Variants in RFTN2 observed in about 807,000 individuals in gnomAD.
RFTN2 encodes the protein raftlin family member 2, also known as raftlin-2.
In RFTN2, 34 loss-of-function variants were observed where a neutral mutation model predicts 52.7. The observed-to-expected ratio is 0.64, with a 90% CI of 0.49 to 0.86. The LOEUF (loss-of-function observed/expected upper bound fraction) is 0.86, where lower values mean the gene tolerates loss of function less well. Among genes scored for constraint, RFTN2 ranks in the 40% least tolerant of loss-of-function variants. The pLI is 0.00. For synonymous variants in RFTN2, 203 were observed against 217.7 expected (o/e 0.93, Z 0.59); for missense variants, 536 against 600.1 (o/e 0.89, Z 1.12).
At chr2:197,669,665 G>A (rs1387513806) in intron 1 of RFTN2, among the ~76,000 whole-genome samples, 1 of 152,136 alleles carries the variant, frequency 6.6e-6, no homozygotes, top group Non-Finnish European at 1.5e-5. Context: ...GCTCCTATGA[G>A]AACCTATGAG....
chr2:197,612,728 G>C (rs1382071592), intron 7 of RFTN2, among the ~76,000 whole-genome samples: 1 of 152,238 alleles, frequency 6.6e-6, no homozygotes, highest in African/African-American at 2.4e-5. Context: ...TTAAACCCTA[G>C]TGGTGTGATA....
chr2:197,661,233 ATT>A (rs112056862), intron 1 of RFTN2, among the ~76,000 whole-genome samples: 50 of 144,620 alleles, frequency 3.5e-4, no homozygotes, highest in Admixed American at 4.1e-4. Flanking sequence ...ATTTAATTTA[ATT>A]TTTTTTTTTT....
chr2:197,661,371 C>T (rs1297700899), intron 1 of RFTN2, among the ~76,000 whole-genome samples: 1 of 151,878 alleles, frequency 6.6e-6, no homozygotes, highest in Admixed American at 6.6e-5. Flanking sequence ...GTCGGAACTA[C>T]AGGTGCATGC....
intron 1 of RFTN2, among the ~76,000 whole-genome samples, chr2:197,647,584 G>A (rs1344366412): frequency 6.6e-6 from 1 of 152,060 alleles, no homozygotes; most frequent in Non-Finnish European, 1.5e-5. Flanking sequence ...CATTTATTAG[G>A]CAGCACTTGT....
chr2:197,578,437 T>G (rs756932051), intron 8 of RFTN2, among the ~76,000 whole-genome samples: 3 of 152,200 alleles, frequency 2.0e-5, no homozygotes, highest in Non-Finnish European at 2.9e-5. Context: ...CAAGCCTGCA[T>G]GTATACATCC....
At chr2:197,641,568 CAAAT>C (rs748071494) in intron 3 of RFTN2, among the ~76,000 whole-genome samples, 3 of 152,086 alleles carry the variant, frequency 2.0e-5, no homozygotes, top group East Asian at 1.9e-4. Context: ...GGACTGGTAA[CAAAT>C]AAAGTATTAA....
At chr2:197,618,558 T>G (rs982139696) in intron 5 of RFTN2, among the ~76,000 whole-genome samples, 1 of 150,542 alleles carries the variant, frequency 6.6e-6, no homozygotes, top group Non-Finnish European at 1.5e-5. Context: ...TCGTCTGGGA[T>G]GTGAGGAGCC....
At chr2:197,648,321 AC>A (rs2088781703) in intron 1 of RFTN2, among the ~76,000 whole-genome samples, 2 of 152,178 alleles carry the variant, frequency 1.3e-5, no homozygotes, top group Non-Finnish European at 2.9e-5. Flanking sequence ...TCCAATTTTC[AC>A]CCTCTTTTGG....
chr2:197,673,910 A>G (rs1039739410), intron 1 of RFTN2, among the ~76,000 whole-genome samples: 1 of 152,226 alleles, frequency 6.6e-6, no homozygotes, highest in Non-Finnish European at 1.5e-5. Flanking sequence ...CAGTGTTTCA[A>G]GGTTAAGGAG....
At position 197,636,309 on chromosome 2, in the gene RFTN2, A is replaced by C. The variant is rs2088565811; in HGVS notation, c.439-2312T>G. 3.0e-5 allele frequency among the ~76,000 whole-genome samples: 4 copies of C among 131,564 alleles called. No individual in the cohort carries two copies. The Admixed American group carries it at 3.1e-4, about 10-fold the overall frequency. The allele number at this position is 131,564 out of a possible 152,430, so 86.3% of individuals were successfully genotyped here. A position where few individuals can be genotyped will look rare whatever the true frequency, so the allele number is the denominator to read the frequency against. The stretch of plus-strand genomic sequence containing the variant: ...TGGTAGCTTTATGGGGATGGCATTG[A>C]ATCTGTAAATTACCTTGGGCAGTAT... On this transcript the variant is annotated intron_variant, in intron 3 of 8. Transcript: ENST00000295049.
Position 197,646,545 on chromosome 2 carries a change from C to T in RFTN2, c.261G>A (p.Gly87=). The T allele has an allele frequency of 1.2e-6, 2 of 1,613,954 alleles. No homozygotes were observed. Among genetic ancestry groups the T allele is most frequent in the Non-Finnish European group, 8.5e-7 (1 of 1,179,856 alleles). ...AACTTGCAGGTAGGTGTTTTCGCTG[C>T]CCCACAGGTTGTATAACAGGATGAA... ...GAIHPVIQPV[G]QRKHLPASYL... is the part of the protein sequence containing the mutation. The change falls in exon 2 of 9, where the codon GGG becomes GGA. Residue 87 remains glycine, a synonymous_variant. Coordinates refer to ENST00000295049, the MANE Select transcript of RFTN2 (RefSeq NM_144629.3).
At position 197,569,939 on chromosome 2, in the gene RFTN2, A is replaced by G. The variant is rs932182043; in HGVS notation, c.*2069T>C. ...AGTGAGGCTCTGTCTCAAAAAAAAAAAAAAAAAAAAAAAGTTATTGCTATA... is the reference window on the plus strand; with the variant it reads ...AGTGAGGCTCTGTCTCAAAAAAAAAGAAAAAAAAAAAAAGTTATTGCTATA... On this transcript the variant is annotated 3_prime_UTR_variant, in exon 9 of 9. Transcript: ENST00000295049. The G allele has an allele frequency of 2.0e-5, 3 of 151,640 alleles. No individual in the cohort carries two copies. Among genetic ancestry groups the G allele is most frequent in the Non-Finnish European group, 2.9e-5 (2 of 67,908 alleles). 9.4% of individuals were successfully genotyped at this position (151,640 alleles called of 1,614,324 possible). A position where few individuals can be genotyped will look rare whatever the true frequency, so the allele number is the denominator to read the frequency against.
At chr2:197,644,330 T>C (rs2088717898) in intron 2 of RFTN2, 58 bp from the exon 3 acceptor site, 2 of 938,188 alleles carry the variant, frequency 2.1e-6, no homozygotes, top group Non-Finnish European at 3.5e-6. Context: ...TCAGCTAATA[T>C]GCTCATGTGA....
At chr2:197,576,660 G>A (rs1470011711) in intron 8 of RFTN2, among the ~76,000 whole-genome samples, 1 of 152,100 alleles carries the variant, frequency 6.6e-6, no homozygotes, top group Non-Finnish European at 1.5e-5. Flanking sequence ...GGTTTTTACA[G>A]CAAATATACA....
At chr2:197,640,725 G>A (rs138763301) in intron 3 of RFTN2, among the ~76,000 whole-genome samples, 2,615 of 152,200 alleles carry the variant, frequency 0.017, 73 homozygotes, top group African/African-American at 0.059. Flanking sequence ...GCTGTAGACC[G>A]GAGCTGTTCC....
intron 7 of RFTN2, among the ~76,000 whole-genome samples, chr2:197,611,396 G>A (rs1483733113): frequency 6.6e-6 from 1 of 152,158 alleles, no homozygotes; most frequent in Non-Finnish European, 1.5e-5. Context: ...TAGTTTATTT[G>A]CATAGAGGCG....
intron 8 of RFTN2, among the ~76,000 whole-genome samples, chr2:197,585,738 C>T (rs536888031): frequency 9.3e-4 from 142 of 152,256 alleles, no homozygotes; most frequent in African/African-American, 3.2e-3. Flanking sequence ...CCTACACCTC[C>T]GAACTTCCTT....
chr2:197,672,105 G>T (rs955621204), intron 1 of RFTN2, among the ~76,000 whole-genome samples: 2 of 152,076 alleles, frequency 1.3e-5, no homozygotes, highest in African/African-American at 4.8e-5. Flanking sequence ...TCATAATACA[G>T]TGAAAGAAAT....
intron 3 of RFTN2, among the ~76,000 whole-genome samples, chr2:197,636,215 G>C (rs1395943434): frequency 6.6e-6 from 1 of 151,228 alleles, no homozygotes; most frequent in Non-Finnish European, 1.5e-5. Flanking sequence ...TTGCCTTGGC[G>C]ACGCGGGCTC....
Sources: gnomAD v4.1 joint callset for allele counts (sites outside exome capture counted in the v4.1 genomes callset) on GRCh38, gnomAD v4.1.1 for gene constraint, MANE v1.5 for transcripts, NCBI Gene and HGNC (gene_info 2026-07-23, HGNC 2026-07-21) for gene names.